SVOPL: variants seen among roughly 807,000 people sequenced by gnomAD.
SVOPL encodes the protein putative transporter SVOPL.
SVOPL carries 60 observed loss-of-function variants against 61.0 expected under a neutral mutation model. That is an observed-to-expected ratio of 0.98 (90% CI 0.80 to 1.22). The LOEUF (loss-of-function observed/expected upper bound fraction) is 1.22, where lower values mean the gene tolerates loss of function less well. SVOPL is among the 50% of genes most tolerant of loss of function. The pLI is 0.00. For synonymous variants in SVOPL, 279 were observed against 250.0 expected, an observed-to-expected ratio of 1.12 and a Z score of -1.09; for missense variants, 662 against 643.9, an observed-to-expected ratio of 1.03 and a Z score of -0.30.
At chr7:138,609,489 C>CAAAAAAA (rs35516590) in intron 14 of SVOPL, among the ~76,000 whole-genome samples, 2 of 48,330 alleles carry the variant, frequency 4.1e-5, no homozygotes, top group African/African-American at 1.6e-4. Flanking sequence ...ACCACCTCTA[C>CAAAAAAA]AAAAAAAAAA....
At chr7:138,634,941 G>A (rs938149677) in intron 9 of SVOPL, among the ~76,000 whole-genome samples, 28 of 152,178 alleles carry the variant, frequency 1.8e-4, no homozygotes, top group Admixed American at 1.8e-3. Flanking sequence ...TGCAGTCTGG[G>A]TGACAGAGCG....
intron 4 of SVOPL, 39 bp from the exon 5 acceptor site, chr7:138,663,184 G>A (rs762863158): frequency 4.6e-5 from 74 of 1,598,598 alleles, no homozygotes; most frequent in Admixed American, 7.0e-5. Context: ...CTCTAAGCAG[G>A]TTTTACATGT....
At chr7:138,691,636 G>A (rs932124471) in intron 1 of SVOPL, among the ~76,000 whole-genome samples, 1 of 152,112 alleles carries the variant, frequency 6.6e-6, no homozygotes, top group Non-Finnish European at 1.5e-5. Flanking sequence ...TGCCTCCCAG[G>A]TTCAAGCGAT....
At chr7:138,605,959 G>T (rs1798737979) in intron 14 of SVOPL, among the ~76,000 whole-genome samples, 1 of 151,118 alleles carries the variant, frequency 6.6e-6, no homozygotes, top group South Asian at 2.1e-4. Flanking sequence ...TCATATTTCA[G>T]TAAAATAGTT....
intron 14 of SVOPL, among the ~76,000 whole-genome samples, chr7:138,605,989 TTTA>T (rs147667129): frequency 0.039 from 5,851 of 150,946 alleles, 159 homozygotes; most frequent in Middle Eastern, 0.099. Context: ...TAAATTTTTT[TTTA>T]AATTGTTTTT....
intron 14 of SVOPL, among the ~76,000 whole-genome samples, chr7:138,614,654 C>G (rs539175463): frequency 6.6e-6 from 1 of 152,074 alleles, no homozygotes; most frequent in Admixed American, 6.6e-5. Flanking sequence ...CCTCAGCCTC[C>G]CAAAGTGTTA....
chr7:138,627,357 T>G lies in SVOPL; in HGVS notation c.1174A>C (p.Thr392Pro). ...ALFFLLLNIC[T>P]SSAGLIGFLF... ...CAATTAAACAGAAAATACCTTGAAG[T>G]GCAAATGTTGAGGAGAAGGAAGAAT... The change falls in exon 12 of 16, where the codon ACT (threonine) becomes CCT (proline). Residue 392 changes from threonine to proline, a missense_variant. Coordinates refer to ENST00000674285, the MANE Select transcript of SVOPL (RefSeq NM_001139456.2). 6.2e-7 allele frequency: 1 copy of G among 1,611,582 alleles called. No homozygotes were observed. Among genetic ancestry groups the G allele is most frequent in the Non-Finnish European group, 8.5e-7 (1 of 1,177,818 alleles).
At chr7:138,677,937 G>A (rs1031889801) in intron 3 of SVOPL, among the ~76,000 whole-genome samples, 1 of 151,650 alleles carries the variant, frequency 6.6e-6, no homozygotes, top group African/African-American at 2.4e-5. Context: ...TAATTTTTGT[G>A]TTTTTAGTAG....
chr7:138,670,123 C>T (rs892626743), intron 4 of SVOPL, among the ~76,000 whole-genome samples: 1 of 152,172 alleles, frequency 6.6e-6, no homozygotes, highest in Non-Finnish European at 1.5e-5. Context: ...AAGAGATCTG[C>T]CCTAACCAAA....
At chr7:138,612,447 TA>T (rs59229265) in intron 14 of SVOPL, among the ~76,000 whole-genome samples, 1,396 of 22,312 alleles carry the variant, frequency 0.063, 179 homozygotes, top group African/African-American at 0.18. Flanking sequence ...AAAAAAAAAA[TA>T]AAAAAAAAAA....
intron 7 of SVOPL, among the ~76,000 whole-genome samples, chr7:138,655,458 T>C (rs1801677926): frequency 6.6e-6 from 1 of 151,992 alleles, no homozygotes; most frequent in South Asian, 2.1e-4. Flanking sequence ...TGAGCCAAGA[T>C]GGCGCCATTC....
chr7:138,663,013 G>C, intron 5 of SVOPL, 61 bp downstream of exon 5: 5 of 1,611,036 alleles, frequency 3.1e-6, no homozygotes, highest in Non-Finnish European at 4.2e-6. Context: ...ACAGTGATAA[G>C]GTTGCCCCCA....
At chr7:138,609,399 C>A (rs866619846) in intron 14 of SVOPL, among the ~76,000 whole-genome samples, 3 of 150,302 alleles carry the variant, frequency 2.0e-5, no homozygotes, top group South Asian at 4.2e-4. Context: ...GTAATCCCAG[C>A]ACTTTAGGAG....
chr7:138,676,550 G>A (rs1223915820), intron 3 of SVOPL, among the ~76,000 whole-genome samples: 3 of 147,110 alleles, frequency 2.0e-5, no homozygotes, highest in South Asian at 2.1e-4. Context: ...AGGAGTCCCC[G>A]CCTCTTCACA....
intron 14 of SVOPL, chr7:138,597,279 TAGAA>T: frequency 8.2e-7 from 1 of 1,226,294 alleles, no homozygotes; most frequent in Non-Finnish European, 1.1e-6. Context: ...TATTATAATT[TAGAA>T]AGACCTAGAA....
At chr7:138,646,295 G>A in intron 8 of SVOPL, 1 of 166,202 alleles carries the variant, frequency 6.0e-6, no homozygotes, top group South Asian at 1.5e-4. Context: ...TTCTGCCACA[G>A]TAACACCTGG....
chr7:138,682,651 T>A (rs569687048), intron 1 of SVOPL, among the ~76,000 whole-genome samples: 9 of 152,100 alleles, frequency 5.9e-5, no homozygotes, highest in Non-Finnish European at 1.2e-4. Flanking sequence ...TTCAAACAAA[T>A]CAACTATAAA....
chr7:138,601,265 A>AAG (rs1563079747), intron 14 of SVOPL, among the ~76,000 whole-genome samples: 1 of 151,490 alleles, frequency 6.6e-6, no homozygotes, highest in Non-Finnish European at 1.5e-5. Context: ...AAAAAAAAAA[A>AAG]AAAAGAAAAG....
At chr7:138,657,230 G>A (rs572940590) in intron 6 of SVOPL, among the ~76,000 whole-genome samples, 29 of 151,794 alleles carry the variant, frequency 1.9e-4, no homozygotes, top group Admixed American at 9.8e-4. Context: ...ATCACAGCTC[G>A]CTGCAGCCTC....
Sources: allele counts gnomAD v4.1 joint callset (sites outside exome capture counted in the v4.1 genomes callset), GRCh38; gene constraint gnomAD v4.1.1; transcripts MANE v1.5; gene names NCBI Gene and HGNC (gene_info 2026-07-23, HGNC 2026-07-21).